Variants in SYNE2 observed in about 807,000 individuals in gnomAD.
SYNE2 encodes the protein nesprin-2.
In SYNE2, 431 loss-of-function variants were observed where a neutral mutation model predicts 856.3. That is an observed-to-expected ratio of 0.50 (90% CI 0.47 to 0.55). The LOEUF is 0.55. SYNE2 is among the 20% of genes least tolerant of loss of function. SYNE2 has a pLI of 0.00. For missense variants in SYNE2, 8,129 were observed against 8,023.2 expected (o/e 1.01, Z -0.50); for synonymous variants, 2,923 against 2,872.3 (o/e 1.02, Z -0.56).
chr14:63,986,730 G>T (rs966482285), intron 19 of SYNE2, 113 bp downstream of exon 19: 3 of 1,202,538 alleles, frequency 2.5e-6, no homozygotes, highest in Non-Finnish European at 3.6e-6. Flanking sequence ...AATTTTCTTT[G>T]TTGGGAGTTT....
intron 17 of SYNE2, 27 bp from the exon 18 acceptor site, chr14:63,983,710 T>C: frequency 6.3e-7 from 1 of 1,583,476 alleles, no homozygotes; most frequent in Non-Finnish European, 8.7e-7. Flanking sequence ...ATATGAGTAT[T>C]ACATTTCATG....
At chr14:64,152,116 T>A (rs4559840) in intron 84 of SYNE2, among the ~76,000 whole-genome samples, 10,075 of 152,274 alleles carry the variant, frequency 0.066, 1,081 homozygotes, top group African/African-American at 0.23. Flanking sequence ...CTACCAACAG[T>A]TATATCGTCT....
chr14:64,055,816 A>T, intron 48 of SYNE2, 128 bp from the exon 49 acceptor site: 4 of 584,694 alleles, frequency 6.8e-6, no homozygotes, highest in Non-Finnish European at 1.1e-5. Flanking sequence ...GTACCCTAAA[A>T]CTTAAAGTAT....
At chr14:63,829,508 C>T (rs1889589154) in intron 1 of SYNE2, among the ~76,000 whole-genome samples, 1 of 152,270 alleles carries the variant, frequency 6.6e-6, no homozygotes, top group East Asian at 1.9e-4. Context: ...AGCAATTCCA[C>T]TCCTAGATAC....
chr14:64,161,070 A>C (rs1368179163), intron 87 of SYNE2, among the ~76,000 whole-genome samples: 2 of 152,158 alleles, frequency 1.3e-5, no homozygotes, highest in Non-Finnish European at 2.9e-5. Flanking sequence ...TGGGCCAGGC[A>C]TAGTGGCTCA....
intron 66 of SYNE2, among the ~76,000 whole-genome samples, chr14:64,115,633 T>C (rs758730652): frequency 6.6e-6 from 1 of 152,200 alleles, no homozygotes; most frequent in Non-Finnish European, 1.5e-5. Context: ...TTTAAAGCCG[T>C]CAAATGTGTA....
chr14:63,915,790 GTC>G (rs1273298379), intron 2 of SYNE2, among the ~76,000 whole-genome samples: 3 of 152,264 alleles, frequency 2.0e-5, no homozygotes, highest in Non-Finnish European at 2.9e-5. Context: ...TGAAACGTGA[GTC>G]TCTGTAGTTA....
At chr14:64,189,295 T>A (rs1221240228) in intron 98 of SYNE2, among the ~76,000 whole-genome samples, 1 of 151,536 alleles carries the variant, frequency 6.6e-6, no homozygotes, top group African/African-American at 2.4e-5. Flanking sequence ...GATGGTGCCA[T>A]TGCACACCAG....
chr14:64,142,507 A>G (rs549237942), intron 82 of SYNE2, among the ~76,000 whole-genome samples: 2 of 152,180 alleles, frequency 1.3e-5, no homozygotes, highest in Non-Finnish European at 2.9e-5. Flanking sequence ...GTCATCTTCC[A>G]TAGTCAGCTC....
intron 57 of SYNE2, among the ~76,000 whole-genome samples, chr14:64,083,866 C>T (rs572941918): frequency 9.2e-5 from 14 of 152,248 alleles, no homozygotes; most frequent in African/African-American, 3.4e-4. Context: ...ACAAATACTA[C>T]TGTTGTAAGA....
chr14:64,033,016 A>C (rs916626801), intron 45 of SYNE2, among the ~76,000 whole-genome samples: 1 of 151,888 alleles, frequency 6.6e-6, no homozygotes, highest in Non-Finnish European at 1.5e-5. Flanking sequence ...AAAAAATTAA[A>C]AATTAGCTGG....
intron 48 of SYNE2, among the ~76,000 whole-genome samples, chr14:64,055,461 C>T (rs868227130): frequency 1.3e-5 from 2 of 151,322 alleles, no homozygotes; most frequent in Admixed American, 6.6e-5. Context: ...CTCCGCCTCC[C>T]GGGTTCACAC....
At chr14:63,980,963 T>G in intron 15 of SYNE2, 23 bp from the exon 16 acceptor site, 2 of 1,492,962 alleles carry the variant, frequency 1.3e-6, no homozygotes, top group South Asian at 2.5e-5. Flanking sequence ...TAAGATTACT[T>G]TTTTGTTTTG....
At chr14:63,788,245 C>T (rs1887610950) in intron 1 of SYNE2, among the ~76,000 whole-genome samples, 1 of 152,182 alleles carries the variant, frequency 6.6e-6, no homozygotes, top group African/African-American at 2.4e-5. Flanking sequence ...ATGAGGAAGC[C>T]TTCCAGGGTC....
chr14:64,014,972 T>TAC (rs1459153230), intron 32 of SYNE2, among the ~76,000 whole-genome samples: 40 of 83,894 alleles, frequency 4.8e-4, no homozygotes, highest in African/African-American at 1.6e-3. Flanking sequence ...TATATATATA[T>TAC]ATACACACAC....
intron 37 of SYNE2, among the ~76,000 whole-genome samples, chr14:64,022,318 G>C (rs1026274557): frequency 2.0e-5 from 3 of 152,206 alleles, no homozygotes; most frequent in African/African-American, 7.2e-5. Context: ...AAATACTGGT[G>C]CACAAGCGGT....
intron 89 of SYNE2, among the ~76,000 whole-genome samples, chr14:64,164,171 GTGATC>G (rs1384151094): frequency 6.6e-6 from 1 of 150,838 alleles, no homozygotes; most frequent in Non-Finnish European, 1.5e-5. Flanking sequence ...GTACAGTGGT[GTGATC>G]TCAGCTCACT....
At chr14:63,818,309 T>C (rs1889083303) in intron 1 of SYNE2, among the ~76,000 whole-genome samples, 1 of 134,372 alleles carries the variant, frequency 7.4e-6, no homozygotes, top group African/African-American at 2.9e-5. Flanking sequence ...CACTCCAGCC[T>C]GGTGACAGAG....
Position 64,190,023 on chromosome 14 carries a change from T to A in SYNE2, c.17872-48T>A, listed in dbSNP as rs759398077. On this transcript the variant is annotated intron_variant, in intron 98 of 115. Transcript: ENST00000555002. ...TCTATGTCTGTGGCTGGAGAAGAAA[T>A]GAGTTTGGGCTAATTAGCCAGGCTT... 15 of 1,592,978 alleles carry A rather than the reference T, an allele frequency of 9.4e-6. No homozygotes were observed. The African/African-American group carries it at 1.9e-4, about 20-fold the overall frequency.
Sources: gnomAD v4.1 joint callset for allele counts (sites outside exome capture counted in the v4.1 genomes callset) on GRCh38, gnomAD v4.1.1 for gene constraint, MANE v1.5 for transcripts, NCBI Gene and HGNC (gene_info 2026-07-23, HGNC 2026-07-21) for gene names.